SEC24D: variants seen among roughly 807,000 people sequenced by gnomAD.
SEC24D encodes protein transport protein Sec24D.
A neutral mutation model predicts 116.9 loss-of-function variants in SEC24D; 69 were observed. The ratio of observed to expected loss-of-function variants is 0.59; its 90% confidence interval spans 0.49 to 0.72. SEC24D has a LOEUF of 0.72. SEC24D is among the 30% of genes least tolerant of loss of function. The pLI, the probability that SEC24D is intolerant of heterozygous loss-of-function variation, is 0.00. For missense variants in SEC24D, 1,131 were observed against 1,264.1 expected, an observed-to-expected ratio of 0.89 and a Z score of 1.60; for synonymous variants, 405 against 442.8, an observed-to-expected ratio of 0.91 and a Z score of 1.07.
At position 118,752,747 on chromosome 4, in the gene SEC24D, C is replaced by T. The variant is rs552109376; in HGVS notation, c.1563G>A (p.Leu521=). 2 of 1,610,996 alleles carry T rather than the reference C, an allele frequency of 1.2e-6. No homozygotes were observed. The highest frequency in any genetic ancestry group is 2.2e-5 in the East Asian group (1 of 44,666). ...VTDVGEVFVP[L]LDGFLVNYQE... is the part of the protein sequence containing the mutation. ...GATAGTTGACAAGGAAACCATCCAA[C>T]AAAGGAACAAAGACTTCTCCAACAT... Residue 521 remains leucine (L), a synonymous_variant, in exon 12 of 23, where the codon TTG becomes TTA. Coordinates refer to ENST00000280551, the MANE Select transcript of SEC24D (RefSeq NM_014822.4).
chr4:118,826,423 T>C (rs1426143407), intron 2 of SEC24D, among the ~76,000 whole-genome samples: 1 of 151,940 alleles, frequency 6.6e-6, no homozygotes, highest in African/African-American at 2.4e-5. Flanking sequence ...TCCCTGGCCA[T>C]AGCCCCTGCT....
At chr4:118,823,207 T>C (rs1327038401) in intron 3 of SEC24D, among the ~76,000 whole-genome samples, 2 of 152,166 alleles carry the variant, frequency 1.3e-5, no homozygotes, top group African/African-American at 4.8e-5. Flanking sequence ...GTAAGACCCT[T>C]TGACTTCTTG....
intron 2 of SEC24D, among the ~76,000 whole-genome samples, chr4:118,829,755 T>C (rs1458094470): frequency 6.6e-6 from 1 of 151,624 alleles, no homozygotes; most frequent in Non-Finnish European, 1.5e-5. Flanking sequence ...GAGGTTGCAG[T>C]GAGCCGAGAT....
At chr4:118,819,686 T>C (rs1157594337) in intron 3 of SEC24D, among the ~76,000 whole-genome samples, 1 of 152,116 alleles carries the variant, frequency 6.6e-6, no homozygotes, top group Non-Finnish European at 1.5e-5. Context: ...GGATGTTGCA[T>C]TTATATGGAG....
chr4:118,770,506 T>C (rs1175876983), intron 8 of SEC24D, among the ~76,000 whole-genome samples: 1 of 152,224 alleles, frequency 6.6e-6, no homozygotes, highest in Admixed American at 6.5e-5. Context: ...GATCAGGAGA[T>C]GCTTTCAGAA....
chr4:118,805,814 T>C (rs768401090), intron 7 of SEC24D, 29 bp downstream of exon 7: 2 of 1,355,730 alleles, frequency 1.5e-6, no homozygotes, highest in South Asian at 2.9e-5. Flanking sequence ...TTTAAAACCT[T>C]AATAAATGGC....
Position 118,835,930 on chromosome 4 carries a change from G to A in SEC24D, c.-42+11C>T, listed in dbSNP as rs970471011. ...TCCCGCATGAAGGCGTCCGCGGGTGGGAGGCTTTACCTGTTCCCGCTCCCG... is the reference window on the plus strand; with the variant it reads ...TCCCGCATGAAGGCGTCCGCGGGTGAGAGGCTTTACCTGTTCCCGCTCCCG... On this transcript the variant is annotated intron_variant, in intron 1 of 22. Coordinates refer to ENST00000280551, the MANE Select transcript of SEC24D (RefSeq NM_014822.4). 1.3e-5 allele frequency: 2 copies of A among 152,260 alleles called. No homozygotes were observed. Among genetic ancestry groups the A allele is most frequent in the African/African-American group, 4.8e-5 (2 of 41,464 alleles). The allele number at this position is 152,260 out of a possible 1,614,324, so 9.4% of individuals were successfully genotyped here.
At chr4:118,778,485 T>C (rs1728250332) in intron 8 of SEC24D, among the ~76,000 whole-genome samples, 1 of 152,236 alleles carries the variant, frequency 6.6e-6, no homozygotes, top group Admixed American at 6.5e-5. Context: ...TTGGTACCAG[T>C]ACCACGCTGA....
chr4:118,792,854 C>T (rs993304800), intron 8 of SEC24D, among the ~76,000 whole-genome samples: 1 of 152,144 alleles, frequency 6.6e-6, no homozygotes, highest in Non-Finnish European at 1.5e-5. Flanking sequence ...CCTGCCAAAT[C>T]CCCCTCTCCG....
intron 8 of SEC24D, 96 bp downstream of exon 8, chr4:118,797,587 C>A: frequency 1.1e-6 from 1 of 895,804 alleles, no homozygotes; most frequent in Non-Finnish European, 1.6e-6. Flanking sequence ...TTCCAGTTTC[C>A]TGTTTATATT....
chr4:118,819,608 C>T (rs2110529689), intron 3 of SEC24D, among the ~76,000 whole-genome samples: 1 of 148,270 alleles, frequency 6.7e-6, no homozygotes, highest in East Asian at 2.0e-4. Flanking sequence ...TATACATGTA[C>T]TATAGAATAT....
In SEC24D at chr4:118,723,122, T is replaced by A; in HGVS notation, c.*393A>T. On this transcript the variant is annotated 3_prime_UTR_variant, in exon 23 of 23. Coordinates refer to ENST00000280551, the MANE Select transcript of SEC24D (RefSeq NM_014822.4). ...ATTAAGTATAATGTAAAAATTAAGC[T>A]TTTTTTTCTCATTGCAATTGGGAGA... 1 of 154,216 alleles carries A rather than the reference T, an allele frequency of 6.5e-6. No individual in the cohort carries two copies. The highest frequency in any genetic ancestry group is 2.1e-4 in the South Asian group (1 of 4,840). The allele number at this position is 154,216 out of a possible 1,614,324, so 9.6% of individuals were successfully genotyped here.
At chr4:118,778,252 A>C (rs1728239850) in intron 8 of SEC24D, among the ~76,000 whole-genome samples, 3 of 152,224 alleles carry the variant, frequency 2.0e-5, no homozygotes, top group Non-Finnish European at 4.4e-5. Context: ...CTAACATTTA[A>C]GTCTTTAATC....
chr4:118,829,498 C>T (rs964430599), intron 2 of SEC24D, among the ~76,000 whole-genome samples: 1 of 151,932 alleles, frequency 6.6e-6, no homozygotes, highest in Non-Finnish European at 1.5e-5. Flanking sequence ...AGTAACAGAG[C>T]AAGACCTTGT....
At chr4:118,803,961 A>G (rs997977166) in intron 7 of SEC24D, among the ~76,000 whole-genome samples, 1 of 152,186 alleles carries the variant, frequency 6.6e-6, no homozygotes, top group Non-Finnish European at 1.5e-5. Context: ...CAGGTTTAGC[A>G]TAGAGGCCTG....
In SEC24D at chr4:118,747,345, C is replaced by T. The variant is rs1726586287; in HGVS notation, c.1708-2285G>A. ...GCAATGGTGTGATCTCGGTTCACCA[C>T]AACCTCTGCCTCCTGGGTTCAAGCG... On this transcript the variant is annotated intron_variant, in intron 13 of 22. Transcript: ENST00000280551. Among the ~76,000 whole-genome samples the T allele has an allele frequency of 2.0e-5, 3 of 149,356 alleles. No homozygotes were observed. The South Asian group carries it at 6.4e-4, about 32-fold the overall frequency.
At chr4:118,774,943 T>C (rs1350955289) in intron 8 of SEC24D, among the ~76,000 whole-genome samples, 1 of 152,220 alleles carries the variant, frequency 6.6e-6, no homozygotes, top group Non-Finnish European at 1.5e-5. Context: ...CTCCTTCTCC[T>C]GTTACAATGG....
In SEC24D at chr4:118,764,753, T is replaced by C. The variant is rs185429564; in HGVS notation, c.1296+49A>G. The C allele has an allele frequency of 3.6e-5, 38 of 1,048,704 alleles. No homozygotes were observed. The East Asian group carries it at 9.1e-4, about 25-fold the overall frequency. The allele number at this position is 1,048,704 out of a possible 1,614,324, so 65.0% of individuals were successfully genotyped here. On this transcript the variant is annotated intron_variant, in intron 10 of 22. Transcript: ENST00000280551. The stretch of plus-strand genomic sequence containing the variant: ...TTCTTTACATATGAAAGTTATTCAC[T>C]TGAATTTAACATCAATGTATAAACA...
rs1725252332 is a variant in SEC24D at position 118,723,573 on chromosome 4, GA to G, written c.3040del (p.Ser1014LeufsTer21). ...LVEDKGLYGG[S>X]SYVDFLCCVH... ...ACAACAAAGGAAATCCACATAAGAAGAGCCTCCGTAAAGTCCTTTGTCTTCT... is the reference window on the plus strand; with the variant it reads ...ACAACAAAGGAAATCCACATAAGAAGGCCTCCGTAAAGTCCTTTGTCTTCT... On this transcript the variant is annotated frameshift_variant, in exon 23 of 23. Transcript: ENST00000280551. LOFTEE classifies it high-confidence loss of function. The G allele has an allele frequency of 3.7e-6, 6 of 1,613,704 alleles. No homozygotes were observed. The African/African-American group carries it at 8.0e-5, about 22-fold the overall frequency.
Sources: allele counts gnomAD v4.1 joint callset (sites outside exome capture counted in the v4.1 genomes callset), GRCh38; gene constraint gnomAD v4.1.1; transcripts MANE v1.5; gene names NCBI Gene and HGNC (gene_info 2026-07-23, HGNC 2026-07-21).